IMMP2L: variants seen among roughly 807,000 people sequenced by gnomAD.
IMMP2L encodes mitochondrial inner membrane protease subunit 2.
IMMP2L carries 18 observed loss-of-function variants against 19.3 expected under a neutral mutation model. That is an observed-to-expected ratio of 0.93 (90% CI 0.64 to 1.38). The LOEUF (loss-of-function observed/expected upper bound fraction) is 1.38. Ranked by LOEUF, IMMP2L falls within the 40% of genes most tolerant of loss-of-function variation. IMMP2L has a pLI of 0.00. For synonymous variants in IMMP2L, 76 were observed against 73.0 expected, an observed-to-expected ratio of 1.04 and a Z score of -0.21; for missense variants, 233 against 218.2, an observed-to-expected ratio of 1.07 and a Z score of -0.43.
chr7:110,690,927 A>G (rs1584512643), intron 5 of IMMP2L, among the ~76,000 whole-genome samples: 1 of 152,164 alleles, frequency 6.6e-6, no homozygotes, highest in Admixed American at 6.5e-5. Context: ...TGCAATCCAC[A>G]TCAAAATACC....
At chr7:110,786,362 A>T (rs1392236479) in intron 5 of IMMP2L, among the ~76,000 whole-genome samples, 1 of 152,034 alleles carries the variant, frequency 6.6e-6, no homozygotes, top group Non-Finnish European at 1.5e-5. Flanking sequence ...CTGAGAACAG[A>T]TGAGAGTTCA....
chr7:111,290,760 T>C (rs1000707126), intron 3 of IMMP2L, among the ~76,000 whole-genome samples: 11 of 151,746 alleles, frequency 7.2e-5, no homozygotes, highest in East Asian at 1.9e-4. Flanking sequence ...TGTTTTCTGA[T>C]TGCACTTATC....
At chr7:111,104,546 C>T (rs551005853) in intron 3 of IMMP2L, among the ~76,000 whole-genome samples, 1 of 151,806 alleles carries the variant, frequency 6.6e-6, no homozygotes, top group Non-Finnish European at 1.5e-5. Context: ...TGTGAAACTA[C>T]TTAGTATGGT....
intron 5 of IMMP2L, among the ~76,000 whole-genome samples, chr7:110,716,748 T>G (rs545679397): frequency 4.5e-4 from 68 of 152,272 alleles, no homozygotes; most frequent in African/African-American, 1.6e-3. Context: ...AAGAAAGGAA[T>G]GGTGAACTCT....
At chr7:110,943,744 A>G (rs1410035317) in intron 4 of IMMP2L, among the ~76,000 whole-genome samples, 2 of 152,020 alleles carry the variant, frequency 1.3e-5, no homozygotes, top group Non-Finnish European at 2.9e-5. Context: ...AGAAGAAGTT[A>G]GTCTAAGCTG....
intron 3 of IMMP2L, among the ~76,000 whole-genome samples, chr7:111,316,101 C>T (rs1824044888): frequency 6.6e-6 from 1 of 152,046 alleles, no homozygotes; most frequent in African/African-American, 2.4e-5. Context: ...ATTTGTGTAT[C>T]TAAACATAAA....
chr7:111,166,156 T>C (rs549894129), intron 3 of IMMP2L, among the ~76,000 whole-genome samples: 2 of 152,060 alleles, frequency 1.3e-5, no homozygotes, highest in Non-Finnish European at 2.9e-5. Flanking sequence ...CTCCATTTCA[T>C]AGATTAAGAA....
chr7:110,840,335 C>T (rs910793589), intron 5 of IMMP2L, among the ~76,000 whole-genome samples: 1 of 152,080 alleles, frequency 6.6e-6, no homozygotes, highest in African/African-American at 2.4e-5. Flanking sequence ...ATTGAATGTG[C>T]CATCGATTTC....
chr7:111,345,811 C>G (rs1827479850), intron 3 of IMMP2L, among the ~76,000 whole-genome samples: 1 of 152,132 alleles, frequency 6.6e-6, no homozygotes, highest in Non-Finnish European at 1.5e-5. Flanking sequence ...TTTAAGGCAG[C>G]TCTGTTATGG....
intron 3 of IMMP2L, among the ~76,000 whole-genome samples, chr7:111,033,347 T>C (rs557371053): frequency 2.0e-3 from 306 of 152,156 alleles, no homozygotes; most frequent in Non-Finnish European, 3.9e-3. Context: ...TGTGGAACAA[T>C]AGGAACTCTC....
At chr7:111,530,958 ATT>A (rs145159226) in intron 1 of IMMP2L, among the ~76,000 whole-genome samples, 11 of 143,230 alleles carry the variant, frequency 7.7e-5, no homozygotes, top group African/African-American at 7.6e-5. Flanking sequence ...CTGAATATTA[ATT>A]TTTTTTTTTT....
chr7:110,939,218 C>CT (rs1319686439), intron 4 of IMMP2L, among the ~76,000 whole-genome samples: 2 of 152,056 alleles, frequency 1.3e-5, no homozygotes, highest in Non-Finnish European at 2.9e-5. Context: ...GGGACCAAGA[C>CT]TTTTTGTGTC....
rs144538014 is a variant in IMMP2L at position 111,326,254 on chromosome 7, A to T, written c.239+160984T>A. The stretch of plus-strand genomic sequence containing the variant: ...TAAATTATGCATTTATAAGACTGAG[A>T]TTGCCAAATAAAAATTAAGATGCTT... On this transcript the variant is annotated intron_variant, in intron 3 of 5. Transcript: ENST00000405709. 3.0e-3 allele frequency among the ~76,000 whole-genome samples: 454 copies of T among 151,940 alleles called. 2 individuals are homozygous for T. Among genetic ancestry groups the T allele is most frequent in the African/African-American group, 0.01 (430 of 41,522 alleles).
intron 5 of IMMP2L, among the ~76,000 whole-genome samples, chr7:110,839,768 T>G (rs991560277): frequency 6.6e-6 from 1 of 152,112 alleles, no homozygotes; most frequent in African/African-American, 2.4e-5. Context: ...TATTAATCAA[T>G]TAAATAATTA....
intron 3 of IMMP2L, among the ~76,000 whole-genome samples, chr7:111,233,915 C>A (rs1407010771): frequency 2.6e-5 from 4 of 151,952 alleles, no homozygotes; most frequent in African/African-American, 9.7e-5. Flanking sequence ...TTTTGTAGCA[C>A]CATCTCGCAA....
At position 111,149,311 on chromosome 7, in the gene IMMP2L, A is replaced by C. The variant is rs927973838; in HGVS notation, c.240-185746T>G. On this transcript the variant is annotated intron_variant, in intron 3 of 5. Coordinates refer to ENST00000405709, the MANE Select transcript of IMMP2L (RefSeq NM_032549.4). ...TAATAATGAAAAACACTGATATTGAAGATGCATGTAAAACACTGAAAGATT... is the reference window on the plus strand; with the variant it reads ...TAATAATGAAAAACACTGATATTGACGATGCATGTAAAACACTGAAAGATT... Among the ~76,000 whole-genome samples the C allele has an allele frequency of 2.6e-5, 4 of 152,190 alleles. 1 individual carries two copies. In the South Asian group the frequency reaches 8.3e-4, roughly 31 times the overall value.
intron 4 of IMMP2L, among the ~76,000 whole-genome samples, chr7:110,928,365 A>G (rs1815091903): frequency 6.8e-6 from 1 of 146,070 alleles, no homozygotes; most frequent in Admixed American, 6.9e-5. Flanking sequence ...ACACACACAC[A>G]CACACACACA....
chr7:111,350,758 T>C (rs1828066542), intron 3 of IMMP2L, among the ~76,000 whole-genome samples: 2 of 152,114 alleles, frequency 1.3e-5, no homozygotes. Context: ...CATTTAATAG[T>C]TTATTCATAG....
intron 3 of IMMP2L, among the ~76,000 whole-genome samples, chr7:111,110,250 T>C (rs1460792378): frequency 1.3e-5 from 2 of 152,194 alleles, no homozygotes; most frequent in Admixed American, 1.3e-4. Flanking sequence ...GGGAAAATGA[T>C]ATTCTTTTTC....
Sources: allele counts gnomAD v4.1 joint callset (sites outside exome capture counted in the v4.1 genomes callset), GRCh38; gene constraint gnomAD v4.1.1; transcripts MANE v1.5; gene names NCBI Gene and HGNC (gene_info 2026-07-23, HGNC 2026-07-21).